TRAPPC8: variants seen among roughly 807,000 people sequenced by gnomAD.
TRAPPC8 encodes the protein trafficking protein particle complex subunit 8.
In TRAPPC8, 54 loss-of-function variants were observed where a neutral mutation model predicts 174.3. That is an observed-to-expected ratio of 0.31 (90% CI 0.25 to 0.39). The LOEUF (loss-of-function observed/expected upper bound fraction) is 0.39, where lower values mean the gene tolerates loss of function less well. Among genes scored for constraint, TRAPPC8 ranks in the 10% least tolerant of loss-of-function variants. The pLI, the probability that TRAPPC8 is intolerant of heterozygous loss-of-function variation, is 1.00. For missense variants in TRAPPC8, 1,531 were observed against 1,699.1 expected (o/e 0.90, Z 1.74); for synonymous variants, 630 against 579.9 (o/e 1.09, Z -1.24).
chr18:31,873,569 G>T, intron 13 of TRAPPC8, 31 bp from the exon 14 acceptor site: 2 of 1,515,414 alleles, frequency 1.3e-6, no homozygotes, highest in Non-Finnish European at 9.0e-7. Flanking sequence ...AAAAAAAGTA[G>T]TTTTTGTGAA....
chr18:31,833,393 G>GT (rs2032495232), intron 27 of TRAPPC8: 1 of 152,114 alleles, frequency 6.6e-6, no homozygotes, highest in Non-Finnish European at 1.5e-5. Flanking sequence ...CCAGCAAACT[G>GT]TAAGTATCAT....
intron 24 of TRAPPC8, among the ~76,000 whole-genome samples, chr18:31,850,630 G>A (rs2033659779): frequency 1.3e-5 from 2 of 152,072 alleles, no homozygotes; most frequent in South Asian, 4.1e-4. Context: ...TCATGTAGAT[G>A]TTAAACTTCA....
At chr18:31,896,723 A>G (rs117703584) in intron 11 of TRAPPC8, among the ~76,000 whole-genome samples, 3,237 of 152,216 alleles carry the variant, frequency 0.021, 55 homozygotes, top group Non-Finnish European at 0.032. Context: ...CCTTGTGCTC[A>G]AGCAATTCTC....
chr18:31,942,967 A>ACCGCCGCTTCTCAGCGCTCGTCC lies in TRAPPC8; in HGVS notation c.-226_-204dup, dbSNP rs2060161936. 3.7e-6 allele frequency: 4 copies of ACCGCCGCTTCTCAGCGCTCGTCC among 1,094,950 alleles called. No individual in the cohort carries two copies. The highest frequency in any genetic ancestry group is 4.6e-6 in the Non-Finnish European group (4 of 861,724). The allele number at this position is 1,094,950 out of a possible 1,614,324, so 67.8% of individuals were successfully genotyped here. Reference sequence around the variant, plus strand: ...ATCCACTGACCCCCCCCTTCCCGTCACCGCCGCTTCTCAGCGCTCGTCCCC... The same window carrying ACCGCCGCTTCTCAGCGCTCGTCC: ...ATCCACTGACCCCCCCCTTCCCGTCACCGCCGCTTCTCAGCGCTCGTCCCCGCCGCTTCTCAGCGCTCGTCCCC... On this transcript the variant is annotated 5_prime_UTR_variant, in exon 1 of 29. Transcript: ENST00000283351.
chr18:31,921,342 G>A (rs5011500), intron 2 of TRAPPC8, among the ~76,000 whole-genome samples: 48,469 of 151,850 alleles, frequency 0.32, 8,951 homozygotes, highest in Admixed American at 0.48. Flanking sequence ...GGTCAGGCAC[G>A]GTGGCTCACG....
intron 1 of TRAPPC8, among the ~76,000 whole-genome samples, chr18:31,941,160 A>T (rs1289428394): frequency 6.6e-6 from 1 of 152,172 alleles, no homozygotes; most frequent in Non-Finnish European, 1.5e-5. Context: ...TAGGAATTCA[A>T]GGCCGGGCGC....
At chr18:31,885,273 C>CATA (rs1214640114) in intron 12 of TRAPPC8, among the ~76,000 whole-genome samples, 4 of 152,178 alleles carry the variant, frequency 2.6e-5, no homozygotes, top group African/African-American at 9.7e-5. Flanking sequence ...TTCCTACAAA[C>CATA]ATACCGAATT....
chr18:31,927,772 A>G (rs1482160400), intron 2 of TRAPPC8, among the ~76,000 whole-genome samples: 1 of 152,098 alleles, frequency 6.6e-6, no homozygotes, highest in Non-Finnish European at 1.5e-5. Context: ...TGAAAAAGAT[A>G]CTTTTGGTCA....
At chr18:31,906,304 GAAA>G (rs560619669) in intron 9 of TRAPPC8, among the ~76,000 whole-genome samples, 1 of 91,176 alleles carries the variant, frequency 1.1e-5, no homozygotes, top group Non-Finnish European at 2.3e-5. Flanking sequence ...CTGTCTCCAG[GAAA>G]AAAAAAAAAA....
chr18:31,907,857 A>T (rs191799093), intron 8 of TRAPPC8, among the ~76,000 whole-genome samples: 2 of 152,326 alleles, frequency 1.3e-5, no homozygotes, highest in Non-Finnish European at 2.9e-5. Flanking sequence ...TGGTCAAATA[A>T]TGAAGTAAAT....
chr18:31,925,997 T>C (rs1353684607), intron 2 of TRAPPC8, among the ~76,000 whole-genome samples: 2 of 152,128 alleles, frequency 1.3e-5, no homozygotes, highest in African/African-American at 4.8e-5. Flanking sequence ...ACACAAAATA[T>C]ATATAAATGA....
chr18:31,847,435 T>C (rs1375427730), intron 25 of TRAPPC8, among the ~76,000 whole-genome samples: 2 of 152,230 alleles, frequency 1.3e-5, no homozygotes, highest in African/African-American at 4.8e-5. Context: ...TCTACTGTCA[T>C]TATCACATTA....
At chr18:31,900,040 C>T (rs1441456358) in intron 10 of TRAPPC8, among the ~76,000 whole-genome samples, 1 of 151,882 alleles carries the variant, frequency 6.6e-6, no homozygotes, top group East Asian at 1.9e-4. Context: ...GCATTCGAGA[C>T]CAGCCTGGCA....
chr18:31,847,482 C>T (rs961368156), intron 25 of TRAPPC8, among the ~76,000 whole-genome samples: 4 of 152,076 alleles, frequency 2.6e-5, no homozygotes, highest in East Asian at 1.9e-4. Flanking sequence ...TTGACAAGCC[C>T]GGTATTTTTA....
chr18:31,851,955 A>G (rs1455930673), intron 24 of TRAPPC8, among the ~76,000 whole-genome samples: 1 of 152,194 alleles, frequency 6.6e-6, no homozygotes, highest in Non-Finnish European at 1.5e-5. Context: ...ACTACTTAAA[A>G]TGGTATAGTC....
intron 9 of TRAPPC8, among the ~76,000 whole-genome samples, chr18:31,904,940 G>C (rs1311846881): frequency 6.6e-6 from 1 of 151,844 alleles, no homozygotes; most frequent in Non-Finnish European, 1.5e-5. Context: ...TGAGGCAGGA[G>C]GATCACTTGA....
rs534158824 is a variant in TRAPPC8 at position 31,907,394 on chromosome 18, CAAGAGA to C, written c.1389+60_1389+65del. On this transcript the variant is annotated intron_variant, in intron 9 of 28. Transcript: ENST00000283351. Reference sequence around the variant, plus strand: ...TATCCCTAAGGATTCTGTTTGCCACCAAGAGAAATTTCTAAATAATTTATGGTAGCA... The same window carrying C: ...TATCCCTAAGGATTCTGTTTGCCACCAATTTCTAAATAATTTATGGTAGCA... The C allele has an allele frequency of 2.1e-6, 3 of 1,451,718 alleles. No individual in the cohort carries two copies. In the African/African-American group the frequency reaches 4.3e-5, roughly 21 times the overall value. The allele number at this position is 1,451,718 out of a possible 1,614,324, so 89.9% of individuals were successfully genotyped here. A position where few individuals can be genotyped will look rare whatever the true frequency, so the allele number is the denominator to read the frequency against.
chr18:31,879,070 A>C (rs114937777), intron 12 of TRAPPC8, among the ~76,000 whole-genome samples: 41 of 152,306 alleles, frequency 2.7e-4, no homozygotes, highest in African/African-American at 7.9e-4. Context: ...CAGATCATCG[A>C]GGAAGAAAAC....
chr18:31,912,530 G>A (rs1445686352), intron 5 of TRAPPC8, among the ~76,000 whole-genome samples: 1 of 151,936 alleles, frequency 6.6e-6, no homozygotes, highest in Non-Finnish European at 1.5e-5. Context: ...GGTAGGTGGT[G>A]GACGCCTGTA....
Sources: allele counts gnomAD v4.1 joint callset (sites outside exome capture counted in the v4.1 genomes callset), GRCh38; gene constraint gnomAD v4.1.1; transcripts MANE v1.5; gene names NCBI Gene and HGNC (gene_info 2026-07-23, HGNC 2026-07-21).